The following EPB41L4A variants were observed in gnomAD, a reference collection of about 807,000 sequenced individuals.
EPB41L4A encodes the protein erythrocyte membrane protein band 4.1 like 4A.
EPB41L4A carries 100 observed loss-of-function variants against 108.6 expected under a neutral mutation model. That is an observed-to-expected ratio of 0.92 (90% CI 0.78 to 1.09). The LOEUF is 1.09. EPB41L4A is among the 50% of genes least tolerant of loss of function. The pLI is 0.00. For missense variants in EPB41L4A, 1,030 were observed against 842.7 expected (o/e 1.22, Z -2.75); for synonymous variants, 319 against 289.0 (o/e 1.10, Z -1.05).
At position 112,307,477 on chromosome 5, in the gene EPB41L4A, C is replaced by T; in HGVS notation, c.113G>A (p.Gly38Asp). 6.2e-7 allele frequency: 1 copy of T among 1,612,220 alleles called. No homozygotes were observed. The highest frequency in any genetic ancestry group is 8.5e-7 in the Non-Finnish European group (1 of 1,178,558). ...GAATACGTGGTCAAGGACAACGGAA[C>T]CTTTCGTTGACTTCTGCAAAAATAA... ...QQQGIKKSTK[G>D]SVVLDHVFHH... The change falls in exon 2 of 23, where the codon GGT (glycine) becomes GAT (aspartate). Residue 38 changes from glycine (G) to aspartate (D), a missense_variant. Coordinates refer to ENST00000261486, the MANE Select transcript of EPB41L4A (RefSeq NM_022140.5).
intron 9 of EPB41L4A, among the ~76,000 whole-genome samples, chr5:112,254,344 C>T (rs896433250): frequency 1.3e-5 from 2 of 152,188 alleles, no homozygotes; most frequent in African/African-American, 4.8e-5. Flanking sequence ...CTGCCGACTT[C>T]TTTCCGTCTT....
intron 13 of EPB41L4A, among the ~76,000 whole-genome samples, chr5:112,208,992 G>A (rs557886391): frequency 6.6e-6 from 1 of 152,126 alleles, no homozygotes; most frequent in African/African-American, 2.4e-5. Flanking sequence ...CAAAACATAG[G>A]CAAATCCCTG....
downstream of EPB41L4A, among the ~76,000 whole-genome samples, chr5:112,142,132 G>T (rs555074511): frequency 2.6e-5 from 4 of 152,128 alleles, no homozygotes; most frequent in Non-Finnish European, 5.9e-5. Flanking sequence ...GGCTGGCTCT[G>T]GGATATGCAC....
intron 1 of EPB41L4A, among the ~76,000 whole-genome samples, chr5:112,375,327 A>T (rs565358504): frequency 0.013 from 1,724 of 134,598 alleles, 23 homozygotes; most frequent in South Asian, 0.039. Flanking sequence ...TCTCTCGCAC[A>T]CACACACATA....
chr5:112,329,170 A>T (rs1353400481), intron 1 of EPB41L4A, among the ~76,000 whole-genome samples: 1 of 152,228 alleles, frequency 6.6e-6, no homozygotes, highest in Non-Finnish European at 1.5e-5. Flanking sequence ...AAGACCATAT[A>T]AAAACAAAAT....
intron 1 of EPB41L4A, among the ~76,000 whole-genome samples, chr5:112,391,736 T>C (rs953438214): frequency 2.0e-5 from 3 of 151,824 alleles, no homozygotes; most frequent in South Asian, 2.1e-4. Flanking sequence ...GAGAACACCA[T>C]AGATACTCCT....
chr5:112,292,970 T>C (rs1753744633), intron 2 of EPB41L4A, among the ~76,000 whole-genome samples: 1 of 152,174 alleles, frequency 6.6e-6, no homozygotes, highest in African/African-American at 2.4e-5. Context: ...GAAATCAATA[T>C]TCCTTTCACT....
Position 112,266,262 on chromosome 5 carries a change from G to A in EPB41L4A, c.404C>T (p.Ala135Val), listed in dbSNP as rs754558405. 1 of 1,610,990 alleles carries A rather than the reference G, an allele frequency of 6.2e-7. No homozygotes were observed. Among genetic ancestry groups the A allele is most frequent in the South Asian group, 1.1e-5 (1 of 90,018 alleles). Residue 135 changes from alanine (A) to valine (V), a missense_variant, in exon 5 of 23, where the codon GCT becomes GTT. Physicochemically the swap from Ala to Val is moderately conservative, Grantham distance 64. Transcript: ENST00000261486. ...GATGGCATACGCTCCCAGCTGAGCA[G>A]CAGTGTTGACGGGACAGGGCAGACG... ...QGRLPCPVNT[A>V]AQLGAYAIQS...
intron 12 of EPB41L4A, among the ~76,000 whole-genome samples, chr5:112,152,471 G>T (rs1262915770): frequency 1.3e-5 from 2 of 152,128 alleles, no homozygotes; most frequent in Non-Finnish European, 2.9e-5. Context: ...ATTATGTCAT[G>T]AATGGGATTA....
Position 112,209,977 on chromosome 5 carries a change from T to C in EPB41L4A, c.1093A>G (p.Asn365Asp), listed in dbSNP as rs1307281640. The C allele has an allele frequency of 1.3e-6, 2 of 1,568,730 alleles. No homozygotes were observed. The highest frequency in any genetic ancestry group is 4.5e-5 in the East Asian group (2 of 44,154). The change falls in exon 13 of 23, where the codon AAC becomes GAC. Residue 365 changes from asparagine to aspartate, a missense_variant. Physicochemically the swap from Asn to Asp is conservative, Grantham distance 23 (BLOSUM62 1). Coordinates refer to ENST00000261486, the MANE Select transcript of EPB41L4A (RefSeq NM_022140.5). Reference protein sequence around the residue: ...RIAQTQPAESNSISRITANME... With the variant: ...RIAQTQPAESDSISRITANME... ...TTTGCAGTTATCCTACTGATGCTGT[T>C]TGATTCTAGCAGAGGAGGAGAAGGA...
At chr5:112,365,395 C>T (rs946375502) in intron 1 of EPB41L4A, among the ~76,000 whole-genome samples, 1 of 152,128 alleles carries the variant, frequency 6.6e-6, no homozygotes, top group Non-Finnish European at 1.5e-5. Flanking sequence ...TCCTCAAATA[C>T]TGGGCATAGG....
intron 1 of EPB41L4A, among the ~76,000 whole-genome samples, chr5:112,339,506 A>ATATC (rs1269459977): frequency 7.2e-4 from 32 of 44,446 alleles, no homozygotes; most frequent in Non-Finnish European, 8.7e-4. Context: ...CTATATATAT[A>ATATC]TATAGATATA....
chr5:112,219,625 A>G (rs1747903644), intron 12 of EPB41L4A, among the ~76,000 whole-genome samples: 1 of 152,200 alleles, frequency 6.6e-6, no homozygotes, highest in Non-Finnish European at 1.5e-5. Flanking sequence ...AGTTATTATA[A>G]TTAGTAGCAG....
At chr5:112,220,865 C>T (rs1747994797) in intron 12 of EPB41L4A, among the ~76,000 whole-genome samples, 1 of 152,132 alleles carries the variant, frequency 6.6e-6, no homozygotes, top group African/African-American at 2.4e-5. Context: ...TACAGGGAAA[C>T]CAAGAAGAAT....
chr5:112,218,324 T>C (rs936220971), intron 12 of EPB41L4A, among the ~76,000 whole-genome samples: 1 of 152,220 alleles, frequency 6.6e-6, no homozygotes, highest in South Asian at 2.1e-4. Flanking sequence ...CACCTATCTA[T>C]GAATGGTCAG....
intron 1 of EPB41L4A, among the ~76,000 whole-genome samples, chr5:112,351,765 A>T (rs1348480437): frequency 6.6e-6 from 1 of 152,150 alleles, no homozygotes; most frequent in Non-Finnish European, 1.5e-5. Context: ...AAAAATCCAA[A>T]TCCAGCAACA....
intron 1 of EPB41L4A, among the ~76,000 whole-genome samples, chr5:112,405,338 C>T (rs7707028): frequency 5.1e-4 from 78 of 152,174 alleles, no homozygotes; most frequent in Non-Finnish European, 8.8e-4. Context: ...CAACCTCATG[C>T]GAGACCTGGA....
Position 112,232,132 on chromosome 5 carries a change from G to A in EPB41L4A, c.1087+2502C>T, listed in dbSNP as rs62370391. Among the ~76,000 whole-genome samples, 147 of 142,942 alleles carry A rather than the reference G, an allele frequency of 1.0e-3. 1 individual carries two copies. In the East Asian group the frequency reaches 0.015, roughly 15 times the overall value. 93.8% of individuals were successfully genotyped at this position (142,942 alleles called of 152,430 possible). On this transcript the variant is annotated intron_variant, in intron 12 of 22. Coordinates refer to ENST00000261486, the MANE Select transcript of EPB41L4A (RefSeq NM_022140.5). ...TTGTCTCAAAAAAAAAAAAAAAAGA[G>A]AGAGAGAGAGAGAGAGAGATCCACC...
intron 2 of EPB41L4A, among the ~76,000 whole-genome samples, chr5:112,291,858 G>A (rs988798344): frequency 1.2e-4 from 18 of 152,170 alleles, no homozygotes; most frequent in African/African-American, 3.6e-4. Context: ...TATATTCTGC[G>A]TTTCTGAGTT....
Sources: allele counts gnomAD v4.1 joint callset (sites outside exome capture counted in the v4.1 genomes callset), GRCh38; gene constraint gnomAD v4.1.1; transcripts MANE v1.5; gene names NCBI Gene and HGNC (gene_info 2026-07-23, HGNC 2026-07-21).